SLC39A10: variants seen among roughly 807,000 people sequenced by gnomAD.
SLC39A10 encodes the protein solute carrier family 39 member 10.
Under a neutral mutation model 65.1 loss-of-function variants are expected in SLC39A10, and 13 were observed. The ratio of observed to expected loss-of-function variants is 0.20; its 90% confidence interval spans 0.13 to 0.32. The LOEUF (loss-of-function observed/expected upper bound fraction) is 0.32. Ranked by LOEUF, SLC39A10 falls within the 10% of genes least tolerant of loss-of-function variation. The pLI, the probability that SLC39A10 is intolerant of heterozygous loss-of-function variation, is 1.00. For synonymous variants in SLC39A10, 321 were observed against 342.2 expected (o/e 0.94, Z 0.68); for missense variants, 831 against 1,018.4 (o/e 0.82, Z 2.50).
intron 1 of SLC39A10, among the ~76,000 whole-genome samples, chr2:195,675,954 C>T (rs1236144919): frequency 6.6e-6 from 1 of 151,770 alleles, no homozygotes; most frequent in Non-Finnish European, 1.5e-5. Flanking sequence ...TAATTTTTGC[C>T]TGTTACTGTC....
intron 1 of SLC39A10, chr2:195,658,080 G>C (rs1424757952): frequency 6.6e-6 from 1 of 152,310 alleles, no homozygotes; most frequent in Admixed American, 6.5e-5. Flanking sequence ...AGCGATGTGG[G>C]GCGCGGCAGG....
chr2:195,732,038 G>A lies in SLC39A10; in HGVS notation c.2338-2845G>A, dbSNP rs1430010933. Among the ~76,000 whole-genome samples, 6 of 152,322 alleles carry A rather than the reference G, an allele frequency of 3.9e-5. No individual in the cohort carries two copies. The East Asian group carries it at 1.2e-3, about 29-fold the overall frequency. ...GGAAGAAACTGTCCACATATATTTTGTGAGATTTTAATGACCCAGAAATTG... is the reference window on the plus strand; with the variant it reads ...GGAAGAAACTGTCCACATATATTTTATGAGATTTTAATGACCCAGAAATTG... On this transcript the variant is annotated intron_variant, in intron 9 of 9. Transcript: ENST00000359634.
chr2:195,687,371 C>T (rs193188196), intron 3 of SLC39A10, among the ~76,000 whole-genome samples: 194 of 151,740 alleles, frequency 1.3e-3, no homozygotes, highest in Non-Finnish European at 2.0e-3. Flanking sequence ...TGTTATGTTA[C>T]CTGTGGATTA....
rs1395989331 is a variant in SLC39A10 at position 195,728,678 on chromosome 2, T to G, written c.2337+329T>G. Among the ~76,000 whole-genome samples, 1 of 152,178 alleles carries G rather than the reference T, an allele frequency of 6.6e-6. No homozygotes were observed. Among genetic ancestry groups the G allele is most frequent in the Admixed American group, 6.5e-5 (1 of 15,276 alleles). On this transcript the variant is annotated intron_variant, in intron 9 of 9. Coordinates refer to ENST00000359634, the MANE Select transcript of SLC39A10 (RefSeq NM_020342.3). This position sits in a 1 kb window ranked among gnomAD's most constrained non-coding sequence, Gnocchi z 4.4. ...TAGCAAAATTAATTTTTTGAGTTTG[T>G]TTTATGGCAAACAGGAGAGAAATAC...
Position 195,669,042 on chromosome 2 carries a change from T to A in SLC39A10, c.-11-10990T>A, listed in dbSNP as rs1689747040. ...GTGAGCCGAGATCGTGCCACTGTGC[T>A]CCAGCCTGGGCAACAGGGTGACTCC... On this transcript the variant is annotated intron_variant, in intron 1 of 9. Transcript: ENST00000359634. Among the ~76,000 whole-genome samples, 4 of 147,672 alleles carry A rather than the reference T, an allele frequency of 2.7e-5. No homozygotes were observed. In the Admixed American group the frequency reaches 2.7e-4, roughly 10 times the overall value.
rs190817081 is a variant in SLC39A10, at chr2:195,645,413, T to C, written c.-11-34619T>C. On this transcript the variant is annotated intron_variant, in intron 2 of 2. Coordinates refer to the SLC39A10 transcript ENST00000458054. ...TGGAAACTTATTCTCAAAATTACAT[T>C]GAAAAATTCTAGGTTTATAAAATCA... is the stretch of plus-strand genomic sequence containing the variant. Among the ~76,000 whole-genome samples the C allele has an allele frequency of 3.3e-4, 50 of 152,330 alleles. 1 individual carries two copies. The highest frequency in any genetic ancestry group is 3.2e-3 in the Admixed American group (49 of 15,302).
intron 2 of SLC39A10, among the ~76,000 whole-genome samples, chr2:195,615,345 A>T (rs1048623212): frequency 1.3e-5 from 2 of 152,146 alleles, no homozygotes; most frequent in African/African-American, 4.8e-5. Context: ...TGTTTGTTTT[A>T]TAGACAGGGT....
At chr2:195,624,404 A>AG in intron 2 of SLC39A10, among the ~76,000 whole-genome samples, 1 of 150,680 alleles carries the variant, frequency 6.6e-6, no homozygotes, top group Non-Finnish European at 1.5e-5. Context: ...GGAAAAAAAA[A>AG]AAAAAAAGGA....
intron 2 of SLC39A10, among the ~76,000 whole-genome samples, chr2:195,616,349 C>G (rs1178295934): frequency 6.6e-6 from 1 of 152,004 alleles, no homozygotes; most frequent in Non-Finnish European, 1.5e-5. Flanking sequence ...ACTCTGTCAC[C>G]AGGCTGGAGT....
At position 195,716,760 on chromosome 2, in the gene SLC39A10, A is replaced by G; in HGVS notation, c.1820A>G (p.His607Arg). ...ATAGAAGAGGAGAAAATCATAGACC[A>G]TTCTCACAGTGATGGATTACATACC... ...LCIEEEKIIDHSHSDGLHTIH... is the reference protein window; with the variant it reads ...LCIEEEKIIDRSHSDGLHTIH... The change falls in exon 7 of 10, where the codon CAT becomes CGT. Residue 607 changes from histidine (H) to arginine (R), a missense_variant. His to Arg is a conservative substitution (Grantham distance 29, BLOSUM62 0). This residue lies in a region of SLC39A10 where 230 missense variants were observed against 242.9 expected (regional missense o/e 0.95). Transcript: ENST00000359634. 6.2e-7 allele frequency: 1 copy of G among 1,614,200 alleles called. No homozygotes were observed. Among genetic ancestry groups the G allele is most frequent in the Non-Finnish European group, 8.5e-7 (1 of 1,180,026 alleles).
Position 195,642,629 on chromosome 2 carries a change from C to T in SLC39A10, c.-12+36396C>T, listed in dbSNP as rs185838100. ...AGGATGAGTAGATTAAACAGTATTT[C>T]TCATACCTGAATTAAAAACAAAAAG... On this transcript the variant is annotated intron_variant, in intron 2 of 2. Transcript: ENST00000458054. Among the ~76,000 whole-genome samples the T allele has an allele frequency of 6.6e-5, 10 of 152,308 alleles. No homozygotes were observed. The East Asian group carries it at 1.9e-3, about 29-fold the overall frequency.
chr2:195,678,248 C>A (rs1241895078), intron 1 of SLC39A10, among the ~76,000 whole-genome samples: 1 of 152,152 alleles, frequency 6.6e-6, no homozygotes, highest in Non-Finnish European at 1.5e-5. Context: ...ACACAAGTTC[C>A]ATTTAACTCT....
intron 2 of SLC39A10, among the ~76,000 whole-genome samples, chr2:195,617,116 G>A (rs987587204): frequency 6.6e-6 from 1 of 152,046 alleles, no homozygotes; most frequent in Non-Finnish European, 1.5e-5. Flanking sequence ...TGAATTCTTC[G>A]ATAGTGCATT....
chr2:195,678,973 T>C (rs967162889), intron 1 of SLC39A10, among the ~76,000 whole-genome samples: 1 of 152,234 alleles, frequency 6.6e-6, no homozygotes, highest in African/African-American at 2.4e-5. Context: ...TCTTGAAGTA[T>C]GCTTGTCCAA....
At chr2:195,625,226 G>GAAAGAAAA (rs1688445352) in intron 2 of SLC39A10, among the ~76,000 whole-genome samples, 1 of 141,588 alleles carries the variant, frequency 7.1e-6, no homozygotes, top group South Asian at 2.2e-4. Context: ...CAAAAAAAAA[G>GAAAGAAAA]AAAGAAAGAA....
At chr2:195,670,292 T>C (rs528936794) in intron 1 of SLC39A10, 3 of 152,200 alleles carry the variant, frequency 2.0e-5, no homozygotes, top group Admixed American at 1.3e-4. Context: ...TTTTGAGACA[T>C]GTATACATTG....
intron 2 of SLC39A10, among the ~76,000 whole-genome samples, chr2:195,617,946 A>G (rs1164993306): frequency 8.8e-4 from 130 of 146,972 alleles, no homozygotes; most frequent in Middle Eastern, 3.4e-3. Flanking sequence ...TCACCATGTT[A>G]GCCAGGATGG....
chr2:195,655,868 G>C (rs1210331605), upstream of SLC39A10, among the ~76,000 whole-genome samples: 2 of 152,154 alleles, frequency 1.3e-5, no homozygotes, highest in Middle Eastern at 3.2e-3. Context: ...GTTTTTTGTA[G>C]AGATACAAAA....
chr2:195,666,798 C>G (rs1156918469), intron 1 of SLC39A10, among the ~76,000 whole-genome samples: 1 of 152,178 alleles, frequency 6.6e-6, no homozygotes, highest in Non-Finnish European at 1.5e-5. Context: ...ATGCATGTAA[C>G]TAAAATCATA....
Sources: gnomAD v4.1 joint callset for allele counts (sites outside exome capture counted in the v4.1 genomes callset) on GRCh38, gnomAD v4.1.1 for gene constraint, gnomAD v4.1.1 regional missense constraint, Gnocchi (gnomAD v3.1) non-coding constraint, MANE v1.5 for transcripts, NCBI Gene and HGNC (gene_info 2026-07-23, HGNC 2026-07-21) for gene names.